Variants in FRMD5 observed in about 807,000 individuals in gnomAD.
The protein encoded by FRMD5 is FERM domain containing 5.
Under a neutral mutation model 69.0 loss-of-function variants are expected in FRMD5, and 20 were observed. That is an observed-to-expected ratio of 0.29 (90% CI 0.20 to 0.42). The LOEUF is 0.42. FRMD5 is among the 10% of genes least tolerant of loss of function. The pLI is 1.00. For missense variants in FRMD5, 595 were observed against 708.6 expected (o/e 0.84, Z 1.82); for synonymous variants, 271 against 260.1 (o/e 1.04, Z -0.40).
chr15:43,968,208 C>T (rs972116205), intron 1 of FRMD5, among the ~76,000 whole-genome samples: 4 of 152,130 alleles, frequency 2.6e-5, no homozygotes, highest in African/African-American at 9.7e-5. Flanking sequence ...ATCTGTACCC[C>T]AACCGCCCCC....
At chr15:43,962,856 C>T (rs374091155) in intron 1 of FRMD5, among the ~76,000 whole-genome samples, 2 of 152,096 alleles carry the variant, frequency 1.3e-5, no homozygotes, top group East Asian at 1.9e-4. Flanking sequence ...TAGCCATATG[C>T]AGAAAGCTGA....
intron 4 of FRMD5, among the ~76,000 whole-genome samples, chr15:43,914,860 G>A (rs547638987): frequency 6.6e-6 from 1 of 151,632 alleles, no homozygotes; most frequent in Non-Finnish European, 1.5e-5. Context: ...TGAGTAGCAG[G>A]GATTACAGGC....
chr15:44,070,460 T>C (rs952868795), intron 1 of FRMD5, among the ~76,000 whole-genome samples: 5 of 152,166 alleles, frequency 3.3e-5, no homozygotes, highest in African/African-American at 1.2e-4. Context: ...ATCTAACTAA[T>C]AGTTATGTGA....
chr15:44,193,424 G>T (rs2140623271), intron 1 of FRMD5, among the ~76,000 whole-genome samples: 1 of 151,704 alleles, frequency 6.6e-6, no homozygotes, highest in East Asian at 1.9e-4. Flanking sequence ...TCATACCCCA[G>T]CAAAACAAAA....
intron 1 of FRMD5, among the ~76,000 whole-genome samples, chr15:44,089,364 AC>A (rs1213355438): frequency 6.6e-6 from 1 of 152,170 alleles, no homozygotes; most frequent in Non-Finnish European, 1.5e-5. Flanking sequence ...CCTTGTCAGT[AC>A]CAGAGTTTCC....
chr15:43,985,276 G>A (rs1205442929), intron 1 of FRMD5, among the ~76,000 whole-genome samples: 6 of 69,924 alleles, frequency 8.6e-5, no homozygotes, highest in South Asian at 6.7e-4. Flanking sequence ...GCGAGACTCC[G>A]TCTCAAAAAA....
chr15:44,120,061 C>A (rs1313392092), intron 1 of FRMD5, among the ~76,000 whole-genome samples: 3 of 152,120 alleles, frequency 2.0e-5, no homozygotes, highest in Non-Finnish European at 2.9e-5. Flanking sequence ...GCATAGAACA[C>A]CTGTCAGGGA....
intron 1 of FRMD5, among the ~76,000 whole-genome samples, chr15:44,149,524 G>A (rs1358288054): frequency 2.6e-5 from 4 of 152,072 alleles, no homozygotes; most frequent in Non-Finnish European, 5.9e-5. Context: ...ATCTATAGAA[G>A]ACTCACTTTA....
At chr15:44,079,570 G>T (rs1242035132) in intron 1 of FRMD5, among the ~76,000 whole-genome samples, 1 of 151,980 alleles carries the variant, frequency 6.6e-6, no homozygotes, top group Non-Finnish European at 1.5e-5. Context: ...ATACCCATAT[G>T]ATAACTATAC....
intron 1 of FRMD5, among the ~76,000 whole-genome samples, chr15:44,090,790 T>C (rs2076460878): frequency 6.6e-6 from 1 of 152,202 alleles, no homozygotes; most frequent in African/African-American, 2.4e-5. Flanking sequence ...TTAAGTCTTA[T>C]AGTACTTATT....
At chr15:44,013,655 C>T (rs1473866062) in intron 1 of FRMD5, among the ~76,000 whole-genome samples, 1 of 152,142 alleles carries the variant, frequency 6.6e-6, no homozygotes, top group South Asian at 2.1e-4. Flanking sequence ...TTGTAAAGAA[C>T]AATCTCTCCT....
chr15:43,956,117 G>C (rs1202416460), intron 1 of FRMD5, among the ~76,000 whole-genome samples: 2 of 152,012 alleles, frequency 1.3e-5, no homozygotes, highest in African/African-American at 4.8e-5. Flanking sequence ...CCTAATGCTT[G>C]GTTTTCTCTA....
rs532006417 is a variant in FRMD5 at position 43,878,174 on chromosome 15, C to T, written c.1136-3712G>A. Among the ~76,000 whole-genome samples the T allele has an allele frequency of 4.6e-5, 7 of 151,836 alleles. No homozygotes were observed. The South Asian group carries it at 6.2e-4, about 14-fold the overall frequency. On this transcript the variant is annotated intron_variant, in intron 13 of 13. Transcript: ENST00000417257. ...TGTGCCACCACGCCTAGCTAATTTTCGTATTTTTTGTAGAGACAGGTTTTT... is the reference window on the plus strand; with the variant it reads ...TGTGCCACCACGCCTAGCTAATTTTTGTATTTTTTGTAGAGACAGGTTTTT...
At chr15:43,945,283 G>A (rs1314831761) in intron 1 of FRMD5, among the ~76,000 whole-genome samples, 1 of 152,154 alleles carries the variant, frequency 6.6e-6, no homozygotes, top group Admixed American at 6.5e-5. Context: ...TTATCTGTGG[G>A]AGAGTTGGTT....
At chr15:44,019,730 T>C (rs1219819899) in intron 1 of FRMD5, among the ~76,000 whole-genome samples, 1 of 95,100 alleles carries the variant, frequency 1.1e-5, no homozygotes, top group Non-Finnish European at 1.9e-5. Context: ...AGAGCAAGAG[T>C]CTGTCTCAAA....
chr15:43,974,988 C>A (rs2090441981), intron 1 of FRMD5, among the ~76,000 whole-genome samples: 1 of 152,224 alleles, frequency 6.6e-6, no homozygotes, highest in African/African-American at 2.4e-5. Context: ...CCCAGGCTAC[C>A]TAAGCTCTGC....
rs201696655 is a variant in FRMD5 at position 43,976,062 on chromosome 15, T to TA, written c.103-51754dup. Among the ~76,000 whole-genome samples, 535 of 122,256 alleles carry TA rather than the reference T, an allele frequency of 4.4e-3. 2 individuals are homozygous for TA. The highest frequency in any genetic ancestry group is 9.7e-3 in the Admixed American group (111 of 11,432). The allele number at this position is 122,256 out of a possible 152,430, so 80.2% of individuals were successfully genotyped here. A position where few individuals can be genotyped will look rare whatever the true frequency, so the allele number is the denominator to read the frequency against. On this transcript the variant is annotated intron_variant, in intron 1 of 13. Coordinates refer to ENST00000417257, the MANE Select transcript of FRMD5 (RefSeq NM_032892.5). ...CTGGAACAGCGGGATATCTATGTGC[T>TA]AAAAAAAAAAAAAGGGAGAGGGAGA...
At chr15:43,912,537 A>G (rs947434338) in intron 4 of FRMD5, among the ~76,000 whole-genome samples, 2 of 151,946 alleles carry the variant, frequency 1.3e-5, no homozygotes, top group African/African-American at 4.8e-5. Flanking sequence ...TTCACGCATC[A>G]CGTCTTCCAT....
At chr15:44,064,758 G>A (rs1362698620) in intron 1 of FRMD5, among the ~76,000 whole-genome samples, 1 of 152,136 alleles carries the variant, frequency 6.6e-6, no homozygotes, top group Non-Finnish European at 1.5e-5. Flanking sequence ...ACTATTTTGG[G>A]TAACCAAATA....
Sources: gnomAD v4.1 joint callset for allele counts (sites outside exome capture counted in the v4.1 genomes callset) on GRCh38, gnomAD v4.1.1 for gene constraint, MANE v1.5 for transcripts, NCBI Gene and HGNC (gene_info 2026-07-23, HGNC 2026-07-21) for gene names.